The following TMEM38B variants were observed in gnomAD, a reference collection of about 807,000 sequenced individuals.
TMEM38B encodes the protein trimeric intracellular cation channel type B.
A neutral mutation model predicts 28.7 loss-of-function variants in TMEM38B; 24 were observed. The observed-to-expected ratio is 0.84, with a 90% CI of 0.61 to 1.18. The LOEUF (loss-of-function observed/expected upper bound fraction) is 1.18. Among genes scored for constraint, TMEM38B ranks in the 50% most tolerant of loss-of-function variants. The probability of loss-of-function intolerance (pLI) is 0.00; values close to 1 mark genes in which losing one functional copy is unlikely to be tolerated. For synonymous variants in TMEM38B, 131 were observed against 127.7 expected (o/e 1.03, Z -0.17); for missense variants, 380 against 350.9 (o/e 1.08, Z -0.66).
chr9:105,758,226 C>T (rs960144905), intron 5 of TMEM38B: 10 of 658,020 alleles, frequency 1.5e-5, no homozygotes, highest in East Asian at 5.1e-5. Context: ...GCCCTTCAGG[C>T]GGGCATGTAT....
chr9:105,716,914 T>C (rs1836121115), intron 2 of TMEM38B, among the ~76,000 whole-genome samples: 1 of 152,212 alleles, frequency 6.6e-6, no homozygotes, highest in Non-Finnish European at 1.5e-5. Context: ...TAATCACCTG[T>C]TCATAGTATT....
chr9:105,752,329 C>G (rs1211246994), intron 5 of TMEM38B, among the ~76,000 whole-genome samples: 1 of 152,214 alleles, frequency 6.6e-6, no homozygotes, highest in African/African-American at 2.4e-5. Context: ...AGCAGCCAGA[C>G]TGCTTTTTTA....
At chr9:105,759,587 G>A in intron 5 of TMEM38B, 2 of 1,559,580 alleles carry the variant, frequency 1.3e-6, no homozygotes, top group Non-Finnish European at 8.8e-7. Context: ...TCTTTGGAAG[G>A]AATTGTAGAT....
Position 105,722,569 on chromosome 9 carries a change from T to G in TMEM38B, c.490T>G (p.Leu164Val), listed in dbSNP as rs368903738. The G allele has an allele frequency of 3.1e-5, 50 of 1,613,560 alleles. No homozygotes were observed. The highest frequency in any genetic ancestry group is 6.7e-5 in the Admixed American group (4 of 59,986). ...GGTIITNFER[L>V]VKGDWKPEGD... ...TACCATTATAACGAATTTTGAGAGG[T>G]TGGTAAAAGGAGATTGGAAACCAGA... The change falls in exon 4 of 6, where the codon TTG (leucine) becomes GTG (valine). Residue 164 changes from leucine to valine, a missense_variant. Coordinates refer to ENST00000374692, the MANE Select transcript of TMEM38B (RefSeq NM_018112.3).
At chr9:105,758,114 C>T in intron 5 of TMEM38B, 1 of 474,744 alleles carries the variant, frequency 2.1e-6, no homozygotes, top group South Asian at 2.7e-5. Flanking sequence ...GGCCGCTGGG[C>T]CTGAGTGTTG....
chr9:105,744,539 T>TCTTAG (rs1357786862), intron 4 of TMEM38B, among the ~76,000 whole-genome samples: 2 of 152,148 alleles, frequency 1.3e-5, no homozygotes, highest in African/African-American at 4.8e-5. Context: ...AGATATTTAT[T>TCTTAG]GACTGTTTTA....
intron 4 of TMEM38B, among the ~76,000 whole-genome samples, chr9:105,740,583 T>A (rs1222174215): frequency 6.6e-6 from 1 of 152,166 alleles, no homozygotes; most frequent in Non-Finnish European, 1.5e-5. Flanking sequence ...ATTCTTTAAA[T>A]GCTAGTACGT....
intron 2 of TMEM38B, among the ~76,000 whole-genome samples, chr9:105,721,013 C>T (rs1235113758): frequency 6.6e-6 from 1 of 152,112 alleles, no homozygotes; most frequent in Non-Finnish European, 1.5e-5. Flanking sequence ...TACAAATCTG[C>T]CTCCTTGTGA....
rs778974841 is a variant in TMEM38B, at chr9:105,722,608, C to G, written c.529C>G (p.Leu177Val). The G allele has an allele frequency of 1.2e-6, 2 of 1,613,134 alleles. No individual in the cohort carries two copies. Among genetic ancestry groups the G allele is most frequent in the South Asian group, 2.2e-5 (2 of 91,050 alleles). ...GDWKPEGDEW[L>V]KMSYPAKVTL... ...TTGGAAACCAGAAGGTGATGAATGGCTGAAGATGTCATAGTAAGTTGGTAT... is the reference window on the plus strand; with the variant it reads ...TTGGAAACCAGAAGGTGATGAATGGGTGAAGATGTCATAGTAAGTTGGTAT... The change falls in exon 4 of 6, where the codon CTG becomes GTG. Residue 177 changes from leucine to valine, a missense_variant. Physicochemically the swap from Leu to Val is conservative, Grantham distance 32 (BLOSUM62 1). Transcript: ENST00000374692.
At chr9:105,723,011 A>C (rs1363896453) in intron 4 of TMEM38B, among the ~76,000 whole-genome samples, 1 of 152,218 alleles carries the variant, frequency 6.6e-6, no homozygotes, top group Non-Finnish European at 1.5e-5. Context: ...TCCAGATTTC[A>C]GGCTATATAT....
Position 105,776,577 on chromosome 9 carries a change from T to A in TMEM38B, c.*2497T>A, listed in dbSNP as rs918626714. 1 of 152,158 alleles carries A rather than the reference T, an allele frequency of 6.6e-6. No homozygotes were observed. The highest frequency in any genetic ancestry group is 1.5e-5 in the Non-Finnish European group (1 of 68,032). The allele number at this position is 152,158 out of a possible 1,614,324, so 9.4% of individuals were successfully genotyped here. A position where few individuals can be genotyped will look rare whatever the true frequency, so the allele number is the denominator to read the frequency against. ...AAATGGAATAATGTGTTCAGAATGC[T>A]CTTTCTTTCCCCCAATAAAGCCCTT... On this transcript the variant is annotated 3_prime_UTR_variant, in exon 6 of 6. Transcript: ENST00000374692.
At chr9:105,721,965 C>G (rs770198099) in intron 3 of TMEM38B, among the ~76,000 whole-genome samples, 1 of 151,904 alleles carries the variant, frequency 6.6e-6, no homozygotes, top group Non-Finnish European at 1.5e-5. Context: ...GATTAAGATC[C>G]CCAGAACCAG....
chr9:105,760,709 C>T, intron 5 of TMEM38B: 1 of 1,253,214 alleles, frequency 8.0e-7, no homozygotes, highest in Non-Finnish European at 1.2e-6. Flanking sequence ...ATCAAGCAAC[C>T]AATGCTGATT....
rs1439812420 is a variant in TMEM38B, at chr9:105,767,013, C to T, written c.661-6852C>T. On this transcript the variant is annotated intron_variant, in intron 5 of 5. Transcript: ENST00000374692. ...GTGTTTAGTTTTCTGTCCTTGCGAT[C>T]GTTTGCTCAGAATGATGGTTTCCAG... 5.9e-5 allele frequency among the ~76,000 whole-genome samples: 9 copies of T among 151,370 alleles called. No individual in the cohort carries two copies. The South Asian group carries it at 1.7e-3, about 28-fold the overall frequency.
chr9:105,710,771 T>A (rs1371746609), intron 2 of TMEM38B: 1 of 535,364 alleles, frequency 1.9e-6, no homozygotes, highest in African/African-American at 1.9e-5. Flanking sequence ...AGACGGCAGG[T>A]AGCGGGACAT....
Position 105,705,870 on chromosome 9 carries a change from C to G in TMEM38B, c.269+117C>G, listed in dbSNP as rs1469514387. 3.7e-6 allele frequency: 4 copies of G among 1,068,700 alleles called. No individual in the cohort carries two copies. The East Asian group carries it at 1.0e-4, about 27-fold the overall frequency. 66.2% of individuals were successfully genotyped at this position (1,068,700 alleles called of 1,614,324 possible). A position where few individuals can be genotyped will look rare whatever the true frequency, so the allele number is the denominator to read the frequency against. On this transcript the variant is annotated intron_variant, in intron 2 of 5. Coordinates refer to ENST00000374692, the MANE Select transcript of TMEM38B (RefSeq NM_018112.3). ...TTACGTGCTTGAAAAGTTAATGCAT[C>G]TGCAAGGAAGGAACCCAAATAATGC...
chr9:105,752,232 C>G (rs1837680868), intron 5 of TMEM38B, among the ~76,000 whole-genome samples: 1 of 152,198 alleles, frequency 6.6e-6, no homozygotes, highest in African/African-American at 2.4e-5. Flanking sequence ...ACTCAGTTGA[C>G]TCATCCATTC....
intron 1 of TMEM38B, among the ~76,000 whole-genome samples, chr9:105,697,790 C>G (rs915426249): frequency 6.6e-6 from 1 of 151,904 alleles, no homozygotes; most frequent in Admixed American, 6.6e-5. Context: ...ATTTTTTTCT[C>G]CTATGTCACT....
chr9:105,703,202 AAG>A (rs1835517500), intron 1 of TMEM38B, among the ~76,000 whole-genome samples: 1 of 152,204 alleles, frequency 6.6e-6, no homozygotes, highest in Admixed American at 6.5e-5. Flanking sequence ...TTTGAGTTGG[AAG>A]CCAGGTGTGG....
Sources: allele counts gnomAD v4.1 joint callset (sites outside exome capture counted in the v4.1 genomes callset), GRCh38; gene constraint gnomAD v4.1.1; transcripts MANE v1.5; gene names NCBI Gene and HGNC (gene_info 2026-07-23, HGNC 2026-07-21).